Variants in GRM7 observed in about 807,000 individuals in gnomAD.
The protein encoded by GRM7 is glutamate metabotropic receptor 7.
GRM7 carries 35 observed loss-of-function variants against 84.5 expected under a neutral mutation model. That is an observed-to-expected ratio of 0.41 (90% CI 0.32 to 0.55). The LOEUF is 0.55. GRM7 is among the 20% of genes least tolerant of loss of function. GRM7 has a pLI of 0.19. For missense variants in GRM7, 1,003 were observed against 1,194.6 expected (o/e 0.84, Z 2.36); for synonymous variants, 487 against 455.1 (o/e 1.07, Z -0.89).
At chr3:7,634,793 CAAAAAA>C (rs59904264) in intron 8 of GRM7, among the ~76,000 whole-genome samples, 4 of 137,576 alleles carry the variant, frequency 2.9e-5, no homozygotes, top group Admixed American at 2.9e-4. Context: ...GACTCTGTCT[CAAAAAA>C]AAAAAAAGAA....
At chr3:6,890,669 G>T (rs564374131) in intron 1 of GRM7, among the ~76,000 whole-genome samples, 2 of 152,190 alleles carry the variant, frequency 1.3e-5, no homozygotes, top group South Asian at 2.1e-4. Context: ...GTCAATTTTG[G>T]AATAGGTGTG....
chr3:7,424,304 A>C lies in GRM7; in HGVS notation c.1174+9141A>C, dbSNP rs564125976. On this transcript the variant is annotated intron_variant, in intron 5 of 9. Transcript: ENST00000357716. ...TTGGCCTTCGTTTAAAACCAAAAAA[A>C]AAAGGAAAAAGAAAAAAGAAAAGTC... Among the ~76,000 whole-genome samples the C allele has an allele frequency of 2.0e-5, 3 of 152,212 alleles. No homozygotes were observed. In the East Asian group the frequency reaches 5.8e-4, roughly 29 times the overall value.
chr3:7,109,858 A>G (rs1461620286), intron 1 of GRM7, among the ~76,000 whole-genome samples: 2 of 152,108 alleles, frequency 1.3e-5, no homozygotes, highest in African/African-American at 2.4e-5. Flanking sequence ...TGTGGATAGT[A>G]TGTTCATGAT....
At chr3:7,570,456 C>A (rs28818634) in intron 7 of GRM7, among the ~76,000 whole-genome samples, 4,072 of 152,286 alleles carry the variant, frequency 0.027, 143 homozygotes, top group East Asian at 0.096. Flanking sequence ...ACGAGGGCCT[C>A]ATGCAAGTCC....
intron 9 of GRM7, chr3:7,694,290 T>G (rs1268937509): frequency 5.3e-6 from 1 of 190,140 alleles, no homozygotes; most frequent in African/African-American, 2.4e-5. Flanking sequence ...CAACAGCCGT[T>G]CAAATGTTAA....
intron 5 of GRM7, among the ~76,000 whole-genome samples, chr3:7,442,633 C>T (rs763059773): frequency 1.8e-4 from 27 of 152,076 alleles, no homozygotes; most frequent in Admixed American, 5.2e-4. Flanking sequence ...GCAATCATTC[C>T]ATCCCCACAA....
At chr3:7,207,006 G>A (rs559390414) in intron 2 of GRM7, among the ~76,000 whole-genome samples, 9 of 152,274 alleles carry the variant, frequency 5.9e-5, no homozygotes, top group Non-Finnish European at 1.0e-4. Context: ...CATACAGACA[G>A]TTTGGATGGA....
intron 7 of GRM7, among the ~76,000 whole-genome samples, chr3:7,492,660 G>T (rs1031243725): frequency 4.0e-5 from 6 of 151,878 alleles, no homozygotes; most frequent in Admixed American, 2.0e-4. Flanking sequence ...TTATTTCATT[G>T]ATCTTTTTTC....
At chr3:7,692,149 C>T (rs1025247194) in intron 9 of GRM7, among the ~76,000 whole-genome samples, 1 of 152,098 alleles carries the variant, frequency 6.6e-6, no homozygotes, top group African/African-American at 2.4e-5. Flanking sequence ...CATTAGTAGT[C>T]TTTTGGCTTG....
chr3:7,470,582 C>G (rs1005157154), intron 7 of GRM7, among the ~76,000 whole-genome samples: 1 of 152,046 alleles, frequency 6.6e-6, no homozygotes, highest in East Asian at 1.9e-4. Flanking sequence ...CATTAGAGAG[C>G]CTAAACCTCC....
chr3:6,973,159 T>C lies in GRM7; in HGVS notation c.519+111252T>C, dbSNP rs989574822. 5.9e-5 allele frequency among the ~76,000 whole-genome samples: 9 copies of C among 152,260 alleles called. No homozygotes were observed. The South Asian group carries it at 1.4e-3, about 24-fold the overall frequency. On this transcript the variant is annotated intron_variant, in intron 1 of 9. Coordinates refer to ENST00000357716, the MANE Select transcript of GRM7 (RefSeq NM_000844.4). ...CATACGCAGATGTTTTGGTTAGTTT[T>C]AGAAGTGCTTTGAGATTTTATTATG...
rs1031318816 is a variant in GRM7 at position 7,026,032 on chromosome 3, A to G, written c.520-120420A>G. On this transcript the variant is annotated intron_variant, in intron 1 of 9. Coordinates refer to ENST00000357716, the MANE Select transcript of GRM7 (RefSeq NM_000844.4). Reference sequence around the variant, plus strand: ...CCCCAACACCCCTGACAATGACTCAATTGCAGCTTCTTAGAGCCAATCACC... The same window carrying G: ...CCCCAACACCCCTGACAATGACTCAGTTGCAGCTTCTTAGAGCCAATCACC... Among the ~76,000 whole-genome samples, 26 of 152,206 alleles carry G rather than the reference A, an allele frequency of 1.7e-4. 2 individuals are homozygous for G. Among genetic ancestry groups the G allele is most frequent in the Non-Finnish European group, 2.9e-5 (2 of 68,034 alleles).
intron 7 of GRM7, among the ~76,000 whole-genome samples, chr3:7,523,273 G>A: frequency 6.6e-6 from 1 of 152,070 alleles, no homozygotes; most frequent in Non-Finnish European, 1.5e-5. Context: ...AAAGGAGAAG[G>A]GGCAATTGAT....
intron 1 of GRM7, among the ~76,000 whole-genome samples, chr3:7,040,898 A>AACGG (rs1375654499): frequency 6.6e-6 from 1 of 151,662 alleles, no homozygotes; most frequent in African/African-American, 2.4e-5. Context: ...CCCTGGGCAA[A>AACGG]ACGGTGAAAC....
chr3:7,000,618 T>A lies in GRM7; in HGVS notation c.519+138711T>A, dbSNP rs926335052. On this transcript the variant is annotated intron_variant, in intron 1 of 9. Transcript: ENST00000357716. Reference sequence around the variant, plus strand: ...GTCCCTCATTTCCTCTTGAACTGCTTTAATGAAGAATCCCCAGATCTTAGT... The same window carrying A: ...GTCCCTCATTTCCTCTTGAACTGCTATAATGAAGAATCCCCAGATCTTAGT... Among the ~76,000 whole-genome samples, 4 of 152,214 alleles carry A rather than the reference T, an allele frequency of 2.6e-5. No homozygotes were observed. The East Asian group carries it at 7.7e-4, about 29-fold the overall frequency.
intron 5 of GRM7, among the ~76,000 whole-genome samples, chr3:7,422,515 C>T (rs1234628167): frequency 6.6e-6 from 1 of 152,146 alleles, no homozygotes; most frequent in South Asian, 2.1e-4. Flanking sequence ...CAGCATTTAA[C>T]TTTTACATAT....
At chr3:7,002,884 C>A (rs1695064351) in intron 1 of GRM7, among the ~76,000 whole-genome samples, 1 of 152,194 alleles carries the variant, frequency 6.6e-6, no homozygotes, top group East Asian at 1.9e-4. Context: ...TGGTATATTA[C>A]ACAATGGAAT....
At chr3:7,276,384 A>G (rs1001519280) in intron 2 of GRM7, among the ~76,000 whole-genome samples, 1 of 151,874 alleles carries the variant, frequency 6.6e-6, no homozygotes, top group African/African-American at 2.4e-5. Context: ...TGTTTTCTTT[A>G]TCCCTTGATA....
chr3:7,620,681 G>T (rs1697316977), intron 8 of GRM7, among the ~76,000 whole-genome samples: 1 of 152,088 alleles, frequency 6.6e-6, no homozygotes, highest in South Asian at 2.1e-4. Context: ...GTGGAGATGT[G>T]GCATGTGTTA....
Sources: gnomAD v4.1 joint callset for allele counts (sites outside exome capture counted in the v4.1 genomes callset) on GRCh38, gnomAD v4.1.1 for gene constraint, MANE v1.5 for transcripts, NCBI Gene and HGNC (gene_info 2026-07-23, HGNC 2026-07-21) for gene names.